Variants in PHC3 observed in about 807,000 individuals in gnomAD.
PHC3 encodes polyhomeotic-like protein 3.
Under a neutral mutation model 107.4 loss-of-function variants are expected in PHC3, and 13 were observed. The observed-to-expected ratio is 0.12, with a 90% CI of 0.08 to 0.19. PHC3 has a LOEUF of 0.19. Ranked by LOEUF, PHC3 falls within the 10% of genes least tolerant of loss-of-function variation. The pLI is 1.00. For synonymous variants in PHC3, 456 were observed against 427.4 expected (o/e 1.07, Z -0.83); for missense variants, 992 against 1,210.9 (o/e 0.82, Z 2.68).
In PHC3 at chr3:170,089,929, G is replaced by GAAAAAAAAAAAA; in HGVS notation, c.*7289_*7300dup. The GAAAAAAAAAAAA allele has an allele frequency of 9.9e-6, 1 of 100,702 alleles. No individual in the cohort carries two copies. The highest frequency in any genetic ancestry group is 3.6e-5 in the African/African-American group (1 of 27,946). The allele number at this position is 100,702 out of a possible 1,614,324, so 6.2% of individuals were successfully genotyped here. ...GAACCCATCTCAAAAAAAAAAAAAA[G>GAAAAAAAAAAAA]AAAAAAAAAAAAAAAGAAAGAAAGT... On this transcript the variant is annotated 3_prime_UTR_variant, in exon 15 of 15. Transcript: ENST00000495893.
intron 11 of PHC3, among the ~76,000 whole-genome samples, chr3:170,109,730 T>C (rs1717255888): frequency 6.6e-6 from 1 of 152,168 alleles, no homozygotes; most frequent in South Asian, 2.1e-4. Context: ...GACCATAAGC[T>C]ACTTTGATGA....
intron 7 of PHC3, among the ~76,000 whole-genome samples, chr3:170,134,050 A>G (rs1440691983): frequency 1.3e-5 from 2 of 152,090 alleles, no homozygotes; most frequent in African/African-American, 4.8e-5. Flanking sequence ...TGTCAAAACT[A>G]GCCAGACGCT....
intron 2 of PHC3, among the ~76,000 whole-genome samples, chr3:170,172,933 T>C (rs1248224287): frequency 6.6e-6 from 1 of 151,974 alleles, no homozygotes; most frequent in Non-Finnish European, 1.5e-5. Flanking sequence ...GGCTCACGCC[T>C]GTTAATTCCA....
intron 8 of PHC3, chr3:170,125,967 T>G: frequency 1.0e-6 from 1 of 979,498 alleles, no homozygotes; most frequent in Non-Finnish European, 1.2e-6. Context: ...CTTACCTCAA[T>G]AAAGTCCAAT....
At chr3:170,148,339 G>A (rs1725354666) in intron 5 of PHC3, 1 of 151,998 alleles carries the variant, frequency 6.6e-6, no homozygotes, top group Non-Finnish European at 1.5e-5. Flanking sequence ...CAGTCCACTG[G>A]ACAAAAAAGA....
chr3:170,178,975 C>T (rs574668738), intron 1 of PHC3, 37 bp from the exon 2 acceptor site: 1 of 1,551,310 alleles, frequency 6.4e-7, no homozygotes, highest in Non-Finnish European at 8.8e-7. Context: ...TTGGTAAAAG[C>T]ATTATCTTAT....
chr3:170,104,286 A>G (rs975123615), intron 12 of PHC3, among the ~76,000 whole-genome samples: 8 of 152,176 alleles, frequency 5.3e-5, no homozygotes, highest in African/African-American at 1.9e-4. Flanking sequence ...ACAATGGGAA[A>G]GACCTGGCCT....
chr3:170,107,981 G>T (rs565774521), intron 11 of PHC3, among the ~76,000 whole-genome samples: 22 of 152,218 alleles, frequency 1.4e-4, no homozygotes, highest in Admixed American at 2.0e-4. Context: ...TGCCCAAAAG[G>T]TAGTAGGCAT....
At chr3:170,132,032 G>A (rs1213195174) in intron 7 of PHC3, among the ~76,000 whole-genome samples, 2 of 151,960 alleles carry the variant, frequency 1.3e-5, no homozygotes, top group Non-Finnish European at 2.9e-5. Flanking sequence ...GAATAATTAG[G>A]TGGCTATGTG....
chr3:170,147,093 C>G (rs1414906579), intron 5 of PHC3, among the ~76,000 whole-genome samples: 1 of 151,764 alleles, frequency 6.6e-6, no homozygotes, highest in Non-Finnish European at 1.5e-5. Context: ...TGGTTTTGAA[C>G]TCCCAACCTC....
In PHC3 at chr3:170,122,867, C is replaced by G. The variant is rs1216494221; in HGVS notation, c.1789-123G>C. 3 of 1,056,832 alleles carry G rather than the reference C, an allele frequency of 2.8e-6. No homozygotes were observed. In the African/African-American group the frequency reaches 4.9e-5, roughly 17 times the overall value. The allele number at this position is 1,056,832 out of a possible 1,614,324, so 65.5% of individuals were successfully genotyped here. On this transcript the variant is annotated intron_variant, in intron 8 of 14. Transcript: ENST00000495893. ...TAAAAACAAGGCAAAAATGACTACT[C>G]TAACAGACTGAAAGGAAAACTTAAA...
intron 9 of PHC3, among the ~76,000 whole-genome samples, chr3:170,119,036 T>TAAAAAAAAAAAAAAAAAAAAAAAAAAAAA (rs1002478959): frequency 1.4e-5 from 1 of 72,668 alleles, no homozygotes; most frequent in Non-Finnish European, 2.9e-5. Flanking sequence ...TATAAAAAGC[T>TAAAAAAAAAAAAAAAAAAAAAAAAAAAAA]AAAAAAAAAA....
chr3:170,179,386 A>G (rs540394626), intron 1 of PHC3, among the ~76,000 whole-genome samples: 5 of 152,188 alleles, frequency 3.3e-5, no homozygotes, highest in Non-Finnish European at 5.9e-5. Context: ...ATGCCTAGGG[A>G]CTCATGTTAA....
At chr3:170,120,326 CTG>C (rs1462650642) in intron 9 of PHC3, among the ~76,000 whole-genome samples, 1 of 152,158 alleles carries the variant, frequency 6.6e-6, no homozygotes, top group Non-Finnish European at 1.5e-5. Context: ...TGGCTCATGT[CTG>C]TAATCCCAGC....
Position 170,171,421 on chromosome 3 carries a change from T to A in PHC3, c.366A>T (p.Thr122=), listed in dbSNP as rs201181998. 1.0e-4 allele frequency: 162 copies of A among 1,607,096 alleles called. 1 individual carries two copies. The African/African-American group carries it at 2.0e-3, about 20-fold the overall frequency. ...GCTGTGTGACACTTCCTGTGGGAGATGTAGATGGTCTTCCACTGGACAAAC... is the reference window on the plus strand; with the variant it reads ...GCTGTGTGACACTTCCTGTGGGAGAAGTAGATGGTCTTCCACTGGACAAAC... ...QASLSSGRPS[T]SPTGSVTQQS... is the part of the protein sequence containing the mutation. The change falls in exon 4 of 15, where the codon ACA becomes ACT. Residue 122 remains threonine, a synonymous_variant. Transcript: ENST00000495893.
intron 5 of PHC3, chr3:170,147,174 G>C (rs1399387505): frequency 6.6e-6 from 1 of 152,112 alleles, no homozygotes; most frequent in African/African-American, 2.4e-5. Context: ...TCAGCCAAAT[G>C]CCATTAATTT....
rs150321843 is a variant in PHC3, at chr3:170,177,417, A to T, written c.180+1356T>A. The stretch of plus-strand genomic sequence containing the variant: ...GTCTCACTCTTTTTGCCCAGGCTGG[A>T]GTGCAGTGGCGCTATCTTGGCTCAC... On this transcript the variant is annotated intron_variant, in intron 2 of 14. Coordinates refer to ENST00000495893, the MANE Select transcript of PHC3 (RefSeq NM_024947.4). Among the ~76,000 whole-genome samples, 1,208 of 152,252 alleles carry T rather than the reference A, an allele frequency of 7.9e-3. 18 individuals are homozygous for T. Among genetic ancestry groups the T allele is most frequent in the African/African-American group, 0.028 (1,156 of 41,526 alleles).
Position 170,089,935 on chromosome 3 carries a change from A to G in PHC3, c.*7295T>C, listed in dbSNP as rs1316392989. 2.0e-5 allele frequency: 3 copies of G among 151,362 alleles called. No homozygotes were observed. Among genetic ancestry groups the G allele is most frequent in the Admixed American group, 6.6e-5 (1 of 15,190 alleles). The allele number at this position is 151,362 out of a possible 1,614,324, so 9.4% of individuals were successfully genotyped here. Reference sequence around the variant, plus strand: ...ATCTCAAAAAAAAAAAAAAGAAAAAAAAAAAAAAAGAAAGAAAGTTGCTCA... The same window carrying G: ...ATCTCAAAAAAAAAAAAAAGAAAAAGAAAAAAAAAGAAAGAAAGTTGCTCA... On this transcript the variant is annotated 3_prime_UTR_variant, in exon 15 of 15. Coordinates refer to ENST00000495893, the MANE Select transcript of PHC3 (RefSeq NM_024947.4).
chr3:170,177,913 TC>T (rs925370606), intron 2 of PHC3, among the ~76,000 whole-genome samples: 3 of 151,004 alleles, frequency 2.0e-5, no homozygotes, highest in Non-Finnish European at 4.4e-5. Flanking sequence ...TCAAGCTATC[TC>T]CCTGCCTTGG....
Sources: allele counts gnomAD v4.1 joint callset (sites outside exome capture counted in the v4.1 genomes callset), GRCh38; gene constraint gnomAD v4.1.1; transcripts MANE v1.5; gene names NCBI Gene and HGNC (gene_info 2026-07-23, HGNC 2026-07-21).